Variants in ADNP2 observed in about 807,000 individuals in gnomAD.
ADNP2 encodes activity-dependent neuroprotector homeobox protein 2.
Under a neutral mutation model 16.4 loss-of-function variants are expected in ADNP2, and 8 were observed. The observed-to-expected ratio is 0.49, with a 90% CI of 0.29 to 0.88. The LOEUF (loss-of-function observed/expected upper bound fraction) is 0.88, where lower values mean the gene tolerates loss of function less well. Ranked by LOEUF, ADNP2 falls within the 40% of genes least tolerant of loss-of-function variation. ADNP2 has a pLI of 0.09. For missense variants in ADNP2, 1,397 were observed against 1,395.1 expected, an observed-to-expected ratio of 1.00 and a Z score of -0.02; for synonymous variants, 637 against 545.8, an observed-to-expected ratio of 1.17 and a Z score of -2.33.
At position 80,137,160 on chromosome 18, in the gene ADNP2, A is replaced by G. The variant is rs1318885126; in HGVS notation, c.1747A>G (p.Arg583Gly). The G allele has an allele frequency of 1.2e-6, 2 of 1,614,234 alleles. No individual in the cohort carries two copies. Among genetic ancestry groups the G allele is most frequent in the Admixed American group, 3.3e-5 (2 of 60,026 alleles). ...CATTCTGCCTGTGAATCAGCCAGTG[A>G]GACCTGGTGCTTCGCAGAACACCAC... Reference protein sequence around the residue: ...TNILPVNQPVRPGASQNTTFL... With the variant: ...TNILPVNQPVGPGASQNTTFL... The change falls in exon 4 of 4, where the codon AGA (arginine) becomes GGA (glycine). Residue 583 changes from arginine (R) to glycine (G), a missense_variant. Around this residue, in one of 3 missense-constraint regions of ADNP2, gnomAD observed 777 missense variants for 719.4 expected, o/e 1.08. Transcript: ENST00000262198. This position sits in a 1 kb window ranked among gnomAD's most constrained non-coding sequence, Gnocchi z 4.2.
chr18:80,118,804 C>G (rs1331000830), intron 2 of ADNP2, among the ~76,000 whole-genome samples: 1 of 152,110 alleles, frequency 6.6e-6, no homozygotes, highest in African/African-American at 2.4e-5. Flanking sequence ...CAAGACTTTA[C>G]TGATGCAGAG....
At chr18:80,111,811 C>G (rs1472842037) in intron 1 of ADNP2, among the ~76,000 whole-genome samples, 2 of 152,050 alleles carry the variant, frequency 1.3e-5, no homozygotes, top group Admixed American at 1.3e-4. Flanking sequence ...TTCCAAAGTG[C>G]TGGGATTACA....
intron 2 of ADNP2, 135 bp from the exon 3 acceptor site, chr18:80,132,968 T>C: frequency 1.5e-6 from 1 of 665,110 alleles, no homozygotes; most frequent in Non-Finnish European, 2.6e-6. Flanking sequence ...TGATCCACCC[T>C]CCTCAACCTC....
intron 1 of ADNP2, among the ~76,000 whole-genome samples, chr18:80,115,098 G>A (rs2052380982): frequency 6.6e-6 from 1 of 152,206 alleles, no homozygotes; most frequent in African/African-American, 2.4e-5. Context: ...TTTGGGAGGA[G>A]TGTTAGGGCC....
Position 80,137,504 on chromosome 18 carries a change from T to C in ADNP2, c.2091T>C (p.Pro697=). 6.2e-7 allele frequency: 1 copy of C among 1,614,240 alleles called. No homozygotes were observed. The highest frequency in any genetic ancestry group is 1.7e-5 in the Admixed American group (1 of 60,028). Residue 697 remains proline (P), a synonymous_variant, in exon 4 of 4, where the codon CCT becomes CCC. Coordinates refer to ENST00000262198, the MANE Select transcript of ADNP2 (RefSeq NM_014913.4). This position sits in a 1 kb window ranked among gnomAD's most constrained non-coding sequence, Gnocchi z 4.2. ...AGGCCAAGCAGTGGAAGACCTGCCC[T>C]GTCTGCAACGAGCTCTTTCCGTCCA... ...LKQAKQWKTC[P]VCNELFPSNV...
chr18:80,113,256 C>A (rs1228108159), intron 1 of ADNP2, among the ~76,000 whole-genome samples: 1 of 152,102 alleles, frequency 6.6e-6, no homozygotes, highest in African/African-American at 2.4e-5. Flanking sequence ...TGCTAATGAT[C>A]CTTAAATCTC....
intron 2 of ADNP2, among the ~76,000 whole-genome samples, chr18:80,130,041 A>G (rs996549503): frequency 6.6e-6 from 1 of 152,182 alleles, no homozygotes; most frequent in Admixed American, 6.5e-5. Context: ...ACCTTTCCCA[A>G]TGGTGATTCG....
chr18:80,134,386 A>AGTGTGTGTGTGTGTGT (rs34515123), intron 3 of ADNP2, among the ~76,000 whole-genome samples: 3 of 146,224 alleles, frequency 2.1e-5, no homozygotes, highest in East Asian at 4.1e-4. Context: ...AGAATGGAAG[A>AGTGTGTGTGTGTGTGT]GTGTGTGTGT....
At chr18:80,125,458 A>G (rs986122010) in intron 2 of ADNP2, among the ~76,000 whole-genome samples, 1 of 152,192 alleles carries the variant, frequency 6.6e-6, no homozygotes, top group Non-Finnish European at 1.5e-5. Flanking sequence ...TCTGGCTAAC[A>G]TGGTGCAACC....
intron 2 of ADNP2, among the ~76,000 whole-genome samples, chr18:80,128,606 C>T (rs908397651): frequency 3.3e-5 from 5 of 152,120 alleles, no homozygotes; most frequent in African/African-American, 9.7e-5. Context: ...GCCGAGATTG[C>T]ACCACTGCAC....
intron 2 of ADNP2, among the ~76,000 whole-genome samples, chr18:80,129,110 T>C (rs1042375103): frequency 7.3e-5 from 11 of 149,696 alleles, no homozygotes. Flanking sequence ...TTTTTGTTTT[T>C]TTTTTTTTTT....
Position 80,136,225 on chromosome 18 carries a change from C to G in ADNP2, c.812C>G (p.Ala271Gly). Residue 271 changes from alanine (A) to glycine (G), a missense_variant, in exon 4 of 4, where the codon GCA (alanine) becomes GGA (glycine). By Grantham distance (60) the Ala-to-Gly change is moderately conservative (BLOSUM62 0). Coordinates refer to ENST00000262198, the MANE Select transcript of ADNP2 (RefSeq NM_014913.4). ...CAAACGCACATTGCTCCAAAACCAG[C>G]AGCACATTTGGCTGCACCAGCAAAT... is the stretch of plus-strand genomic sequence containing the variant. ...LKQTHIAPKP[A>G]AHLAAPANGS... 2 of 1,614,256 alleles carry G rather than the reference C, an allele frequency of 1.2e-6. No homozygotes were observed. The highest frequency in any genetic ancestry group is 2.2e-5 in the East Asian group (1 of 44,888).
rs571198421 is a variant in ADNP2, at chr18:80,136,383, C to G, written c.970C>G (p.Pro324Ala). Residue 324 changes from proline to alanine, a missense_variant, in exon 4 of 4, where the codon CCT (proline) becomes GCT (alanine). Pro to Ala is a conservative substitution (Grantham distance 27, BLOSUM62 -1). This residue lies in a region of ADNP2 where 777 missense variants were observed against 719.4 expected (regional missense o/e 1.08). Coordinates refer to ENST00000262198, the MANE Select transcript of ADNP2 (RefSeq NM_014913.4). ...CCCTGGAAGCCTCACTCATTCCCCCCCTGCTGCTGGCCAATCCCACATGAC... is the reference window on the plus strand; with the variant it reads ...CCCTGGAAGCCTCACTCATTCCCCCGCTGCTGCTGGCCAATCCCACATGAC... ...GAPGSLTHSP[P>A]AAGQSHMTLV... 79 of 1,614,218 alleles carry G rather than the reference C, an allele frequency of 4.9e-5. No individual in the cohort carries two copies. The East Asian group carries it at 6.5e-4, about 13-fold the overall frequency.
intron 2 of ADNP2, among the ~76,000 whole-genome samples, chr18:80,130,092 G>A (rs2052486519): frequency 6.6e-6 from 1 of 152,150 alleles, no homozygotes; most frequent in South Asian, 2.1e-4. Flanking sequence ...CACTTCTGTG[G>A]ATCTCCTGTG....
Position 80,137,460 on chromosome 18 carries a change from A to G in ADNP2, c.2047A>G (p.Thr683Ala), listed in dbSNP as rs1326940786. ...TCAGGCCTCCTCCTCTGCAGCAGAC[A>G]CAAACCAGGTGCTCAAACAGGCCAA... ...FVQASSSAAD[T>A]NQVLKQAKQW... The change falls in exon 4 of 4, where the codon ACA becomes GCA. Residue 683 changes from threonine to alanine, a missense_variant. By Grantham distance (58) the Thr-to-Ala change is moderately conservative. Transcript: ENST00000262198. This position sits in a 1 kb window ranked among gnomAD's most constrained non-coding sequence, Gnocchi z 4.2. 5 of 1,614,246 alleles carry G rather than the reference A, an allele frequency of 3.1e-6. No individual in the cohort carries two copies. The South Asian group carries it at 5.5e-5, about 18-fold the overall frequency.
At chr18:80,111,410 A>G (rs1005591871) in intron 1 of ADNP2, among the ~76,000 whole-genome samples, 6 of 152,160 alleles carry the variant, frequency 3.9e-5, no homozygotes, top group Non-Finnish European at 7.3e-5. Context: ...GATTTCCTGA[A>G]GATTACACAG....
rs756048625 is a variant in ADNP2, at chr18:80,136,106, G to A, written c.693G>A (p.Met231Ile). Residue 231 changes from methionine (M) to isoleucine (I), a missense_variant, in exon 4 of 4, where the codon ATG (methionine) becomes ATA (isoleucine). Met to Ile is a conservative substitution (Grantham distance 10). Around this residue, in one of 3 missense-constraint regions of ADNP2, gnomAD observed 777 missense variants for 719.4 expected, o/e 1.08. Transcript: ENST00000262198. ...ATGCCAGCAGCCAGGATGCGTTAAT[G>A]TATCACATTTTGACATCAGACATAC... is the stretch of plus-strand genomic sequence containing the variant. ...NANASSQDAL[M>I]YHILTSDIHR... 6.2e-7 allele frequency: 1 copy of A among 1,614,076 alleles called. No homozygotes were observed. Among genetic ancestry groups the A allele is most frequent in the African/African-American group, 1.3e-5 (1 of 74,948 alleles).
chr18:80,112,598 AAAAT>A (rs1436755484), intron 1 of ADNP2, among the ~76,000 whole-genome samples: 1 of 152,190 alleles, frequency 6.6e-6, no homozygotes, highest in Non-Finnish European at 1.5e-5. Context: ...TCAAGGGAAA[AAAAT>A]AAAAAAGTGA....
At chr18:80,111,844 C>G (rs2052359684) in intron 1 of ADNP2, among the ~76,000 whole-genome samples, 1 of 151,960 alleles carries the variant, frequency 6.6e-6, no homozygotes, top group African/African-American at 2.4e-5. Context: ...TGCACCCGGC[C>G]AACATTTTCT....
Sources: allele counts gnomAD v4.1 joint callset (sites outside exome capture counted in the v4.1 genomes callset), GRCh38; gene constraint gnomAD v4.1.1; regional missense constraint gnomAD v4.1.1; non-coding constraint Gnocchi (gnomAD v3.1); transcripts MANE v1.5; gene names NCBI Gene and HGNC (gene_info 2026-07-23, HGNC 2026-07-21).